The following LIPC variants were observed in gnomAD, a reference collection of about 807,000 sequenced individuals.
LIPC encodes hepatic triacylglycerol lipase.
A neutral mutation model predicts 50.7 loss-of-function variants in LIPC; 44 were observed. That is an observed-to-expected ratio of 0.87 (90% CI 0.68 to 1.11). LIPC has a LOEUF of 1.11. Ranked by LOEUF, LIPC falls within the 50% of genes most tolerant of loss-of-function variation. The probability of loss-of-function intolerance (pLI) is 0.00; values close to 1 mark genes in which losing one functional copy is unlikely to be tolerated. For synonymous variants in LIPC, 271 were observed against 256.4 expected (o/e 1.06, Z -0.54); for missense variants, 697 against 648.2 (o/e 1.08, Z -0.82).
At chr15:58,502,576 T>C (rs1256350957) in intron 1 of LIPC, among the ~76,000 whole-genome samples, 1 of 151,684 alleles carries the variant, frequency 6.6e-6, no homozygotes, top group Non-Finnish European at 1.5e-5. Context: ...TGCTTTGAGG[T>C]CACAAATGTC....
chr15:58,435,702 G>A (rs1893272304), intron 1 of LIPC: 1 of 152,210 alleles, frequency 6.6e-6, no homozygotes, highest in Non-Finnish European at 1.5e-5. Context: ...CTGAGGTTAG[G>A]AGTTCAAAAC....
At chr15:58,563,877 C>G in intron 8 of LIPC, 154 bp downstream of exon 8, 1 of 724,978 alleles carries the variant, frequency 1.4e-6, no homozygotes. Context: ...GTGACTATCC[C>G]AACTTTACAC....
chr15:58,566,095 C>A, intron 8 of LIPC: 1 of 973,446 alleles, frequency 1.0e-6, no homozygotes, highest in Non-Finnish European at 1.2e-6. Context: ...TTTAGTGAGT[C>A]TGGGGTGAGC....
chr15:58,530,443 C>T (rs1386161322), intron 1 of LIPC, among the ~76,000 whole-genome samples: 4 of 152,262 alleles, frequency 2.6e-5, no homozygotes, highest in African/African-American at 9.6e-5. Flanking sequence ...CAGCCAGGCC[C>T]AGCCCTGACT....
At chr15:58,493,610 A>G (rs1891663381) in intron 1 of LIPC, among the ~76,000 whole-genome samples, 1 of 145,812 alleles carries the variant, frequency 6.9e-6, no homozygotes, top group Non-Finnish European at 1.5e-5. Flanking sequence ...TTTATACAAA[A>G]TTTATTACGT....
At chr15:58,515,790 G>T (rs1452973517) in intron 1 of LIPC, among the ~76,000 whole-genome samples, 1 of 152,122 alleles carries the variant, frequency 6.6e-6, no homozygotes, top group Non-Finnish European at 1.5e-5. Context: ...AAATGTAGGG[G>T]TCAAGGGTGC....
intron 1 of LIPC, among the ~76,000 whole-genome samples, chr15:58,471,328 T>TGCGGGGGG (rs1555399294): frequency 3.8e-4 from 43 of 114,140 alleles, no homozygotes; most frequent in African/African-American, 1.4e-3. Flanking sequence ...TTAGTAGAGA[T>TGCGGGGGG]GGGGGGGGGT....
chr15:58,541,113 C>T lies in LIPC; in HGVS notation c.274-672C>T, dbSNP rs576287601. Among the ~76,000 whole-genome samples, 67 of 152,184 alleles carry T rather than the reference C, an allele frequency of 4.4e-4. 1 individual carries two copies. In the South Asian group the frequency reaches 4.6e-3, roughly 10 times the overall value. On this transcript the variant is annotated intron_variant, in intron 2 of 8. Coordinates refer to ENST00000299022, the MANE Select transcript of LIPC (RefSeq NM_000236.3). ...ACCGCGCCCAGCCCCCACCCATATTCGTCTTACTGGACTCCTATTGATCCT... is the reference window on the plus strand; with the variant it reads ...ACCGCGCCCAGCCCCCACCCATATTTGTCTTACTGGACTCCTATTGATCCT...
rs1175540841 is a variant in LIPC at position 58,568,626 on chromosome 15, C to CA, written c.1389-87dup. 1.0e-5 allele frequency: 8 copies of CA among 799,548 alleles called. No homozygotes were observed. The African/African-American group carries it at 1.2e-4, about 12-fold the overall frequency. The allele number at this position is 799,548 out of a possible 1,614,324, so 49.5% of individuals were successfully genotyped here. A position where few individuals can be genotyped will look rare whatever the true frequency, so the allele number is the denominator to read the frequency against. On this transcript the variant is annotated intron_variant, in intron 8 of 8. Transcript: ENST00000299022. Reference sequence around the variant, plus strand: ...AAAAAAAGACATCACATGCCTTACACAAATTGAGTGAAATTTGATAAAGAA... The same window carrying CA: ...AAAAAAAGACATCACATGCCTTACACAAAATTGAGTGAAATTTGATAAAGAA...
intron 1 of LIPC, among the ~76,000 whole-genome samples, chr15:58,493,242 C>T (rs1274689223): frequency 5.3e-5 from 8 of 152,168 alleles, no homozygotes; most frequent in East Asian, 3.9e-4. Flanking sequence ...TTCTCTCTGC[C>T]GGCCACCTCC....
intron 7 of LIPC, among the ~76,000 whole-genome samples, chr15:58,562,915 G>A (rs770991656): frequency 1.5e-4 from 22 of 151,368 alleles, no homozygotes; most frequent in Non-Finnish European, 3.1e-4. Context: ...AGGGCATCTC[G>A]CTGCTCTGTC....
intron 1 of LIPC, among the ~76,000 whole-genome samples, chr15:58,501,659 G>A (rs773069129): frequency 6.6e-6 from 1 of 152,074 alleles, no homozygotes; most frequent in Non-Finnish European, 1.5e-5. Context: ...AACTTGCCGT[G>A]AATATATTTA....
rs373470233 is a variant in LIPC at position 58,545,726 on chromosome 15, C to A, written c.575-16C>A. ...TCCTTGCTCCTGCGTAACCCTTACC[C>A]CTGCTTTCCCATTAGGGCTGGATGC... On this transcript the variant is annotated splice_polypyrimidine_tract_variant and intron_variant, in intron 4 of 8. Coordinates refer to ENST00000299022, the MANE Select transcript of LIPC (RefSeq NM_000236.3). The A allele has an allele frequency of 1.2e-6, 2 of 1,611,350 alleles. No homozygotes were observed. The highest frequency in any genetic ancestry group is 2.2e-5 in the South Asian group (2 of 91,000).
At chr15:58,512,002 A>G (rs1411659686) in intron 1 of LIPC, among the ~76,000 whole-genome samples, 2 of 152,232 alleles carry the variant, frequency 1.3e-5, no homozygotes, top group African/African-American at 4.8e-5. Flanking sequence ...AGCATTTTAA[A>G]ACCTAGAAGG....
At chr15:58,478,823 C>A (rs1188048213) in intron 1 of LIPC, among the ~76,000 whole-genome samples, 1 of 152,184 alleles carries the variant, frequency 6.6e-6, no homozygotes, top group Non-Finnish European at 1.5e-5. Context: ...AATACTGAGC[C>A]ACCAGCAATC....
intron 7 of LIPC, 127 bp from the exon 8 acceptor site, chr15:58,563,378 C>T: frequency 1.3e-6 from 1 of 757,952 alleles, no homozygotes; most frequent in Non-Finnish European, 2.3e-6. Flanking sequence ...CTGTTGAACA[C>T]TAGTTTGGGA....
At chr15:58,463,810 T>C (rs1205265691) in intron 1 of LIPC, among the ~76,000 whole-genome samples, 1 of 152,216 alleles carries the variant, frequency 6.6e-6, no homozygotes, top group Non-Finnish European at 1.5e-5. Flanking sequence ...AATAAAGGCA[T>C]TCATCTCTTT....
Position 58,560,886 on chromosome 15 carries a change from C to T in LIPC, c.1074C>T (p.Ile358=), listed in dbSNP as rs769076049. The T allele has an allele frequency of 7.6e-7, 1 of 1,315,062 alleles. No individual in the cohort carries two copies. The highest frequency in any genetic ancestry group is 1.2e-5 in the South Asian group (1 of 84,900). 81.5% of individuals were successfully genotyped at this position (1,315,062 alleles called of 1,614,324 possible). The change falls in exon 7 of 9, where the codon ATC becomes ATT. Residue 358 remains isoleucine, a synonymous_variant. Coordinates refer to ENST00000299022, the MANE Select transcript of LIPC (RefSeq NM_000236.3). The part of the protein sequence containing the change: ...PFKVYHYQFK[I]QFINQTETPI... ...TAGTTTATCATTACCAGTTCAAGAT[C>T]CAGTTCATCAACCAAACTGAGACAC... is the stretch of plus-strand genomic sequence containing the variant.
intron 1 of LIPC, among the ~76,000 whole-genome samples, chr15:58,445,240 T>C (rs1893653243): frequency 6.6e-6 from 1 of 152,072 alleles, no homozygotes; most frequent in African/African-American, 2.4e-5. Flanking sequence ...TGTGAGTGAG[T>C]GATGAAACTC....
Sources: gnomAD v4.1 joint callset for allele counts (sites outside exome capture counted in the v4.1 genomes callset) on GRCh38, gnomAD v4.1.1 for gene constraint, MANE v1.5 for transcripts, NCBI Gene and HGNC (gene_info 2026-07-23, HGNC 2026-07-21) for gene names.